Variants in CDH13 observed in about 807,000 individuals in gnomAD.
The protein encoded by CDH13 is cadherin 13.
A neutral mutation model predicts 63.8 loss-of-function variants in CDH13; 24 were observed. That is an observed-to-expected ratio of 0.38 (90% CI 0.27 to 0.53). The LOEUF (loss-of-function observed/expected upper bound fraction) is 0.53. Ranked by LOEUF, CDH13 falls within the 20% of genes least tolerant of loss-of-function variation. The pLI, the probability that CDH13 is intolerant of heterozygous loss-of-function variation, is 0.85. For synonymous variants in CDH13, 503 were observed against 355.3 expected, an observed-to-expected ratio of 1.42 and a Z score of -4.67; for missense variants, 1,049 against 903.1, an observed-to-expected ratio of 1.16 and a Z score of -2.07.
intron 2 of CDH13, among the ~76,000 whole-genome samples, chr16:82,968,816 T>C (rs1908259985): frequency 6.6e-6 from 1 of 152,206 alleles, no homozygotes. Flanking sequence ...TTTTTACATA[T>C]ATCTGTGTTA....
rs1467403890 is a variant in CDH13 at position 83,242,087 on chromosome 16, T to C, written c.636+24590T>C. Among the ~76,000 whole-genome samples, 6 of 152,216 alleles carry C rather than the reference T, an allele frequency of 3.9e-5. No individual in the cohort carries two copies. The East Asian group carries it at 1.2e-3, about 29-fold the overall frequency. On this transcript the variant is annotated intron_variant, in intron 5 of 13. Transcript: ENST00000567109. ...TTTTCCAAACACCATTTGGGGCTGC[T>C]CATTTCCCATTGTGTAGTCCTGGCA...
chr16:83,347,852 C>G (rs1310794573), intron 6 of CDH13, among the ~76,000 whole-genome samples: 1 of 152,158 alleles, frequency 6.6e-6, no homozygotes, highest in African/African-American at 2.4e-5. Flanking sequence ...CCGGGTCTGT[C>G]TACAATAGCC....
intron 1 of CDH13, among the ~76,000 whole-genome samples, chr16:82,632,761 T>C (rs1181343865): frequency 6.6e-6 from 1 of 152,190 alleles, no homozygotes; most frequent in Non-Finnish European, 1.5e-5. Flanking sequence ...TGCATTTAAT[T>C]TCTGTATTGT....
chr16:82,826,619 G>A (rs1346427671), intron 1 of CDH13: 1 of 152,160 alleles, frequency 6.6e-6, no homozygotes, highest in Admixed American at 6.5e-5. Context: ...CCAGATTGAA[G>A]CACTTACGGG....
intron 7 of CDH13, among the ~76,000 whole-genome samples, chr16:83,507,224 C>T (rs1046406198): frequency 1.3e-5 from 2 of 152,150 alleles, no homozygotes; most frequent in Non-Finnish European, 2.9e-5. Context: ...ATGCCACTGT[C>T]ACAAGGAAAA....
intron 8 of CDH13, among the ~76,000 whole-genome samples, chr16:83,621,886 A>G (rs896690183): frequency 2.6e-5 from 4 of 152,060 alleles, no homozygotes; most frequent in Non-Finnish European, 5.9e-5. Context: ...TCATTAGGAT[A>G]AGTTCAAGTT....
chr16:83,632,321 C>T (rs1220387622), intron 8 of CDH13, among the ~76,000 whole-genome samples: 4 of 152,146 alleles, frequency 2.6e-5, no homozygotes, highest in Non-Finnish European at 4.4e-5. Flanking sequence ...ACATCTCCAT[C>T]AGTCAGCCCC....
At chr16:83,343,975 G>A (rs760828959) in intron 5 of CDH13, among the ~76,000 whole-genome samples, 25 of 152,198 alleles carry the variant, frequency 1.6e-4, no homozygotes, top group Non-Finnish European at 2.9e-4. Context: ...ACTTACAGAT[G>A]AGAAAACTGA....
intron 5 of CDH13, among the ~76,000 whole-genome samples, chr16:83,327,649 G>A (rs556917650): frequency 3.9e-5 from 6 of 152,286 alleles, no homozygotes; most frequent in Middle Eastern, 3.4e-3. Flanking sequence ...AATAAGAGCC[G>A]TGAAAACAAG....
At chr16:82,693,180 T>A (rs1440366680) in intron 1 of CDH13, among the ~76,000 whole-genome samples, 1 of 152,200 alleles carries the variant, frequency 6.6e-6, no homozygotes, top group African/African-American at 2.4e-5. Context: ...ACCCCAGACC[T>A]GGATGATCCT....
intron 5 of CDH13, among the ~76,000 whole-genome samples, chr16:83,327,693 A>G (rs1204655652): frequency 6.6e-6 from 1 of 152,120 alleles, no homozygotes; most frequent in Non-Finnish European, 1.5e-5. Flanking sequence ...AGAAGGAGTT[A>G]CTCTTTTTGA....
At chr16:83,353,765 A>C (rs1388000188) in intron 6 of CDH13, among the ~76,000 whole-genome samples, 1 of 152,192 alleles carries the variant, frequency 6.6e-6, no homozygotes, top group Non-Finnish European at 1.5e-5. Context: ...ACCCATGCTC[A>C]TATCATTCAC....
chr16:83,388,543 G>A (rs1191061747), intron 6 of CDH13, among the ~76,000 whole-genome samples: 1 of 152,164 alleles, frequency 6.6e-6, no homozygotes, highest in Non-Finnish European at 1.5e-5. Context: ...GAGCTGAGGA[G>A]CAGCTGCCTG....
intron 1 of CDH13, among the ~76,000 whole-genome samples, chr16:82,700,435 T>C (rs2030843568): frequency 6.6e-6 from 1 of 152,158 alleles, no homozygotes; most frequent in African/African-American, 2.4e-5. Context: ...ATGTGTATAA[T>C]GTACATAAGT....
chr16:82,688,918 T>G (rs919956887), intron 1 of CDH13: 2 of 152,142 alleles, frequency 1.3e-5, no homozygotes, highest in African/African-American at 4.8e-5. Context: ...GAGAGGGGCT[T>G]GGTCAGGCTT....
intron 3 of CDH13, among the ~76,000 whole-genome samples, chr16:83,045,117 A>G (rs778640157): frequency 6.6e-6 from 1 of 152,222 alleles, no homozygotes; most frequent in Non-Finnish European, 1.5e-5. Context: ...TGCGGTCGGC[A>G]TGACTCCTAT....
intron 8 of CDH13, among the ~76,000 whole-genome samples, chr16:83,613,177 C>A (rs1909002531): frequency 6.6e-6 from 1 of 152,138 alleles, no homozygotes; most frequent in South Asian, 2.1e-4. Context: ...ACTTTTATTT[C>A]CATTGAAAGA....
intron 2 of CDH13, among the ~76,000 whole-genome samples, chr16:82,980,370 A>T (rs1910103121): frequency 6.6e-6 from 1 of 152,210 alleles, no homozygotes; most frequent in African/African-American, 2.4e-5. Flanking sequence ...CCAGGGACCA[A>T]AGAAAGGTGG....
intron 2 of CDH13, among the ~76,000 whole-genome samples, chr16:82,993,662 C>T (rs910696644): frequency 8.5e-5 from 13 of 152,248 alleles, no homozygotes; most frequent in African/African-American, 2.6e-4. Flanking sequence ...TCAGAGGATG[C>T]TGCTTCTCGG....
Sources: allele counts gnomAD v4.1 joint callset (sites outside exome capture counted in the v4.1 genomes callset), GRCh38; gene constraint gnomAD v4.1.1; transcripts MANE v1.5; gene names NCBI Gene and HGNC (gene_info 2026-07-23, HGNC 2026-07-21).